NEDD9: variants seen among roughly 807,000 people sequenced by gnomAD.
NEDD9 encodes neural precursor cell expressed, developmentally down-regulated 9, also known as enhancer of filamentation 1.
A neutral mutation model predicts 76.6 loss-of-function variants in NEDD9; 26 were observed. The observed-to-expected ratio is 0.34, with a 90% CI of 0.25 to 0.47. The LOEUF is 0.47. Among genes scored for constraint, NEDD9 ranks in the 20% least tolerant of loss-of-function variants. The pLI is 1.00. For synonymous variants in NEDD9, 392 were observed against 414.2 expected (o/e 0.95, Z 0.65); for missense variants, 937 against 1,058.5 (o/e 0.89, Z 1.59).
intron 2 of NEDD9, among the ~76,000 whole-genome samples, chr6:11,313,932 G>A (rs188200414): frequency 1.0e-3 from 153 of 152,258 alleles, no homozygotes; most frequent in African/African-American, 3.4e-3. Flanking sequence ...TGATTATAGG[G>A]AGGTTTTACA....
At chr6:11,220,371 A>T (rs1008607854) in intron 1 of NEDD9, among the ~76,000 whole-genome samples, 1 of 152,014 alleles carries the variant, frequency 6.6e-6, no homozygotes, top group Non-Finnish European at 1.5e-5. Context: ...GTTTTCTTAG[A>T]TTTTCCAGCT....
chr6:11,326,451 G>A (rs928497943), intron 2 of NEDD9, among the ~76,000 whole-genome samples: 1 of 152,164 alleles, frequency 6.6e-6, no homozygotes, highest in African/African-American at 2.4e-5. Flanking sequence ...AAGGAAAAGG[G>A]TTTACATTTT....
chr6:11,312,795 G>A (rs376082155), intron 2 of NEDD9, among the ~76,000 whole-genome samples: 1 of 151,446 alleles, frequency 6.6e-6, no homozygotes, highest in Non-Finnish European at 1.5e-5. Flanking sequence ...GTGGGGAGAC[G>A]TAAAACAAGG....
intron 1 of NEDD9, among the ~76,000 whole-genome samples, chr6:11,222,582 TACAC>T (rs1759175241): frequency 6.6e-6 from 1 of 152,248 alleles, no homozygotes; most frequent in Non-Finnish European, 1.5e-5. Flanking sequence ...GCACATGTTA[TACAC>T]CAGTTTATGA....
chr6:11,339,480 A>G (rs1303560276), intron 1 of NEDD9, among the ~76,000 whole-genome samples: 3 of 152,182 alleles, frequency 2.0e-5, no homozygotes, highest in Non-Finnish European at 4.4e-5. Context: ...CTCAACCTCT[A>G]TGAAAACCTA....
In NEDD9 at chr6:11,338,502, G is replaced by A. The variant is rs150500799; in HGVS notation, c.-213-3941C>T. Among the ~76,000 whole-genome samples the A allele has an allele frequency of 5.3e-3, 811 of 152,294 alleles. 8 individuals are homozygous for A. The highest frequency in any genetic ancestry group is 0.018 in the African/African-American group (761 of 41,564). ...CTAATACTCTCAGGGACCCTTAAGT[G>A]AAGCATCAGAAAGAAGCACTTTATC... On this transcript the variant is annotated intron_variant, in intron 1 of 3. Transcript: ENST00000397378.
chr6:11,359,055 T>C (rs1762632766), intron 1 of NEDD9, among the ~76,000 whole-genome samples: 1 of 152,136 alleles, frequency 6.6e-6, no homozygotes, highest in Non-Finnish European at 1.5e-5. Flanking sequence ...TTGAGAGAGC[T>C]TCTGTATATA....
chr6:11,345,269 T>C (rs1000865282), intron 1 of NEDD9, among the ~76,000 whole-genome samples: 2 of 152,164 alleles, frequency 1.3e-5, no homozygotes, highest in Admixed American at 6.5e-5. Flanking sequence ...ATGAGCTGAT[T>C]TAATGCTTTA....
chr6:11,317,614 G>C (rs540773192), intron 2 of NEDD9, among the ~76,000 whole-genome samples: 8 of 152,234 alleles, frequency 5.3e-5, no homozygotes, highest in Admixed American at 4.6e-4. Context: ...AAATGATGGG[G>C]ACAGGCGCCA....
At chr6:11,221,211 C>T (rs537567290) in intron 1 of NEDD9, among the ~76,000 whole-genome samples, 8 of 151,818 alleles carry the variant, frequency 5.3e-5, no homozygotes, top group South Asian at 2.1e-4. Context: ...GGTGAAACCC[C>T]GTCTCTACTA....
At chr6:11,340,028 C>T (rs777766542) in intron 1 of NEDD9, among the ~76,000 whole-genome samples, 40 of 152,154 alleles carry the variant, frequency 2.6e-4, no homozygotes, top group South Asian at 6.2e-4. Flanking sequence ...TAGTGATGGC[C>T]GCAAGTTCAG....
chr6:11,355,097 T>C (rs896413564), intron 1 of NEDD9, among the ~76,000 whole-genome samples: 8 of 152,184 alleles, frequency 5.3e-5, no homozygotes, highest in African/African-American at 1.9e-4. Context: ...GTAGGTGCCA[T>C]AGCAAACATC....
intron 1 of NEDD9, among the ~76,000 whole-genome samples, chr6:11,374,103 A>T (rs567750365): frequency 6.6e-6 from 1 of 151,784 alleles, no homozygotes; most frequent in African/African-American, 2.4e-5. Context: ...CACACATTCC[A>T]TTGGTTCTGT....
At chr6:11,266,022 G>T (rs1760194168) in intron 3 of NEDD9, among the ~76,000 whole-genome samples, 1 of 151,742 alleles carries the variant, frequency 6.6e-6, no homozygotes, top group South Asian at 2.1e-4. Context: ...GATTGACAAT[G>T]GAGACTTGGA....
intron 1 of NEDD9, among the ~76,000 whole-genome samples, chr6:11,378,634 T>G (rs75628614): frequency 0.069 from 10,562 of 152,256 alleles, 402 homozygotes; most frequent in Non-Finnish European, 0.071. Flanking sequence ...TATATACTTT[T>G]TTGTAGTATA....
chr6:11,243,882 T>C (rs1276455290), intron 3 of NEDD9, among the ~76,000 whole-genome samples: 1 of 152,222 alleles, frequency 6.6e-6, no homozygotes, highest in Non-Finnish European at 1.5e-5. Context: ...CATAAGCTCC[T>C]TATAGTCAAA....
chr6:11,321,445 C>T (rs1218512931), intron 2 of NEDD9, among the ~76,000 whole-genome samples: 1 of 152,184 alleles, frequency 6.6e-6, no homozygotes, highest in Non-Finnish European at 1.5e-5. Flanking sequence ...GCAGGACAGA[C>T]ATACAATTGC....
At position 11,242,569 on chromosome 6, in the gene NEDD9, G is replaced by A. The variant is rs564336495; in HGVS notation, c.13-28842C>T. 3.3e-5 allele frequency among the ~76,000 whole-genome samples: 5 copies of A among 150,482 alleles called. No homozygotes were observed. The South Asian group carries it at 1.1e-3, about 32-fold the overall frequency. On this transcript the variant is annotated intron_variant, in intron 3 of 3. Transcript: ENST00000397378. ...TCTACATTTTCAAAAGTCATCACCT[G>A]TGCAGTTCTGGTCACCAGGCAAAAA...
chr6:11,299,062 G>A (rs1163097693), intron 3 of NEDD9, among the ~76,000 whole-genome samples: 2 of 152,204 alleles, frequency 1.3e-5, no homozygotes, highest in Non-Finnish European at 2.9e-5. Context: ...AATGCAAGGG[G>A]TTGGGGTATT....
Sources: gnomAD v4.1 joint callset for allele counts (sites outside exome capture counted in the v4.1 genomes callset) on GRCh38, gnomAD v4.1.1 for gene constraint, MANE v1.5 for transcripts, NCBI Gene and HGNC (gene_info 2026-07-23, HGNC 2026-07-21) for gene names.